Variants in AFF1 observed in about 807,000 individuals in gnomAD.
The protein encoded by AFF1 is AF4/FMR2 family member 1.
AFF1 carries 48 observed loss-of-function variants against 121.7 expected under a neutral mutation model. That is an observed-to-expected ratio of 0.39 (90% CI 0.31 to 0.50). The LOEUF is 0.50. Among genes scored for constraint, AFF1 ranks in the 20% least tolerant of loss-of-function variants. AFF1 has a pLI of 0.76. For synonymous variants in AFF1, 613 were observed against 563.0 expected (o/e 1.09, Z -1.26); for missense variants, 1,523 against 1,511.7 (o/e 1.01, Z -0.12).
Position 87,136,724 on chromosome 4 carries a change from C to CA in AFF1, c.*1024dup, listed in dbSNP as rs1217026057. 8 of 228,744 alleles carry CA rather than the reference C, an allele frequency of 3.5e-5. No homozygotes were observed. Among genetic ancestry groups the CA allele is most frequent in the African/African-American group, 1.6e-4 (7 of 45,070 alleles). The allele number at this position is 228,744 out of a possible 1,614,324, so 14.2% of individuals were successfully genotyped here. On this transcript the variant is annotated 3_prime_UTR_variant, in exon 21 of 21. Transcript: ENST00000395146. The stretch of plus-strand genomic sequence containing the variant: ...GGTAACTCATGTTGTCCAGCCAACT[C>CA]AGAGTTTCGTCAGTGAACAAGAAAC...
chr4:87,052,385 C>A (rs1210720424), intron 4 of AFF1, among the ~76,000 whole-genome samples: 1 of 152,116 alleles, frequency 6.6e-6, no homozygotes, highest in Non-Finnish European at 1.5e-5. Flanking sequence ...TGAACTCCAG[C>A]CTGAGCGACA....
intron 2 of AFF1, among the ~76,000 whole-genome samples, chr4:87,001,004 A>G (rs1339499881): frequency 6.6e-6 from 1 of 152,094 alleles, no homozygotes; most frequent in African/African-American, 2.4e-5. Flanking sequence ...TAATTTGTAT[A>G]TAGTCAGGCA....
At chr4:87,048,780 A>T (rs1014690548) in intron 4 of AFF1, among the ~76,000 whole-genome samples, 1 of 152,106 alleles carries the variant, frequency 6.6e-6, no homozygotes, top group African/African-American at 2.4e-5. Flanking sequence ...TCTGAATACC[A>T]CTTGTTTGGG....
intron 3 of AFF1, 122 bp downstream of exon 3, chr4:87,046,408 T>G: frequency 7.6e-7 from 1 of 1,322,910 alleles, no homozygotes; most frequent in Non-Finnish European, 1.0e-6. Flanking sequence ...GATAACTTAT[T>G]CTAACTTATT....
intron 2 of AFF1, among the ~76,000 whole-genome samples, chr4:87,011,790 A>T (rs971569229): frequency 6.6e-6 from 1 of 152,178 alleles, no homozygotes; most frequent in Admixed American, 6.5e-5. Flanking sequence ...TTCCTGACTC[A>T]CAGTCTAGAG....
intron 4 of AFF1, among the ~76,000 whole-genome samples, chr4:87,082,766 G>A (rs1300083593): frequency 2.6e-5 from 4 of 152,068 alleles, no homozygotes; most frequent in African/African-American, 9.7e-5. Context: ...ATTACAGGAC[G>A]GTGTGAATGT....
At position 86,945,300 on chromosome 4, in the gene AFF1, TC is replaced by T. The variant is rs1363751927; in HGVS notation, c.-36-3197del. 2.0e-5 allele frequency among the ~76,000 whole-genome samples: 3 copies of T among 150,332 alleles called. No individual in the cohort carries two copies. In the East Asian group the frequency reaches 5.9e-4, roughly 30 times the overall value. ...GTTTTTAAATAGAGCCAAGTTAGTA[TC>T]TTCCTTATTTTCTTTTCCTTTTTTT... On this transcript the variant is annotated intron_variant, in intron 1 of 20. Coordinates refer to ENST00000395146, the MANE Select transcript of AFF1 (RefSeq NM_001166693.3).
chr4:86,961,229 G>T (rs1357624184), intron 2 of AFF1, among the ~76,000 whole-genome samples: 1 of 152,112 alleles, frequency 6.6e-6, no homozygotes, highest in Non-Finnish European at 1.5e-5. Flanking sequence ...TATTTGATAG[G>T]CATGCTTTCA....
At chr4:87,026,473 C>T (rs1225057794) in intron 2 of AFF1, among the ~76,000 whole-genome samples, 1 of 152,182 alleles carries the variant, frequency 6.6e-6, no homozygotes, top group Admixed American at 6.5e-5. Context: ...TGAGCCTCCT[C>T]TCTGCCTCCT....
Position 87,039,987 on chromosome 4 carries a change from G to A in AFF1, c.39-6179G>A, listed in dbSNP as rs1729965713. Among the ~76,000 whole-genome samples the A allele has an allele frequency of 2.0e-5, 3 of 151,942 alleles. No individual in the cohort carries two copies. In the South Asian group the frequency reaches 6.2e-4, roughly 32 times the overall value. Reference sequence around the variant, plus strand: ...CGCGATCTCGGCTCACTGCAGCCGAGATCTAGCGATTCTCCTGCCTCAGCC... The same window carrying A: ...CGCGATCTCGGCTCACTGCAGCCGAAATCTAGCGATTCTCCTGCCTCAGCC... On this transcript the variant is annotated intron_variant, in intron 2 of 20. Transcript: ENST00000395146.
In AFF1 at chr4:87,114,524, C is replaced by G; in HGVS notation, c.1691C>G (p.Ser564Cys). 6.2e-7 allele frequency: 1 copy of G among 1,613,152 alleles called. No homozygotes were observed. The highest frequency in any genetic ancestry group is 8.5e-7 in the Non-Finnish European group (1 of 1,179,802). Residue 564 changes from serine (S) to cysteine (C), a missense_variant, in exon 12 of 21, where the codon TCT becomes TGT. Ser to Cys is a moderately radical substitution (Grantham distance 112). Transcript: ENST00000395146. The stretch of plus-strand genomic sequence containing the variant: ...GACAGTGCCACGAGTCAGGAGCATT[C>G]TGAATCCAAAGATCCTCCCCCTAAA... Reference protein sequence around the residue: ...SSDSATSQEHSESKDPPPKSS... With the variant: ...SSDSATSQEHCESKDPPPKSS...
intron 6 of AFF1, among the ~76,000 whole-genome samples, chr4:87,091,056 C>T (rs1446517282): frequency 7.2e-6 from 1 of 139,750 alleles, no homozygotes; most frequent in Non-Finnish European, 1.5e-5. Flanking sequence ...GTTCTATCTA[C>T]AAAAACTCAA....
chr4:86,943,435 G>A (rs1720610628), intron 1 of AFF1, among the ~76,000 whole-genome samples: 1 of 152,206 alleles, frequency 6.6e-6, no homozygotes, highest in Non-Finnish European at 1.5e-5. Flanking sequence ...TTATTCCTGG[G>A]TAAAGGAGAA....
At chr4:86,943,789 G>A (rs890073007) in intron 1 of AFF1, among the ~76,000 whole-genome samples, 9 of 151,754 alleles carry the variant, frequency 5.9e-5, no homozygotes, top group African/African-American at 9.7e-5. Flanking sequence ...GAGAAACCCC[G>A]TCTCTACTAA....
chr4:87,089,034 C>T (rs561505393), intron 5 of AFF1, among the ~76,000 whole-genome samples: 56 of 152,246 alleles, frequency 3.7e-4, no homozygotes, highest in African/African-American at 1.2e-3. Context: ...TGAGCTGCTG[C>T]GCCCGGCCGC....
chr4:87,097,698 G>A (rs1467582529), intron 8 of AFF1, among the ~76,000 whole-genome samples: 1 of 152,164 alleles, frequency 6.6e-6, no homozygotes, highest in East Asian at 1.9e-4. Context: ...AGTAGATAAT[G>A]AGGGTTGTGT....
chr4:87,036,664 G>A (rs948521418), intron 2 of AFF1: 1 of 321,104 alleles, frequency 3.1e-6, no homozygotes, highest in African/African-American at 2.3e-5. Context: ...TTTTCTATCT[G>A]TAAGGTAAAA....
At chr4:86,941,390 G>C (rs988417619) in intron 1 of AFF1, among the ~76,000 whole-genome samples, 1 of 151,982 alleles carries the variant, frequency 6.6e-6, no homozygotes, top group African/African-American at 2.4e-5. Flanking sequence ...GGCCGCAGTG[G>C]GTCACGCCTG....
At chr4:87,127,552 C>T (rs1403970689) in intron 15 of AFF1, 91 bp from the exon 16 acceptor site, 14 of 1,198,712 alleles carry the variant, frequency 1.2e-5, no homozygotes, top group Non-Finnish European at 1.4e-5. Context: ...CCTTGCTGTC[C>T]TCCCATCCTT....
Sources: allele counts gnomAD v4.1 joint callset (sites outside exome capture counted in the v4.1 genomes callset), GRCh38; gene constraint gnomAD v4.1.1; transcripts MANE v1.5; gene names NCBI Gene and HGNC (gene_info 2026-07-23, HGNC 2026-07-21).